EML1: variants seen among roughly 807,000 people sequenced by gnomAD.
The protein encoded by EML1 is echinoderm microtubule-associated protein-like 1.
Under a neutral mutation model 110.4 loss-of-function variants are expected in EML1, and 27 were observed. The observed-to-expected ratio is 0.24, with a 90% CI of 0.18 to 0.34. The LOEUF (loss-of-function observed/expected upper bound fraction) is 0.34. Among genes scored for constraint, EML1 ranks in the 10% least tolerant of loss-of-function variants. The probability of loss-of-function intolerance (pLI) is 1.00; values close to 1 mark genes in which losing one functional copy is unlikely to be tolerated. For missense variants in EML1, 741 were observed against 1,030.9 expected (o/e 0.72, Z 3.85); for synonymous variants, 344 against 385.8 (o/e 0.89, Z 1.27).
At position 99,936,023 on chromosome 14, in the gene EML1, T is replaced by C; in HGVS notation, c.1910-6T>C. ...ATCTGAAATGTAATTTGTCATCTTT[T>C]TATAGATGGGAATTTCTTAGCCATA... On this transcript the variant is annotated splice_polypyrimidine_tract_variant and splice_region_variant and intron_variant, in intron 17 of 21. Coordinates refer to ENST00000262233, the MANE Select transcript of EML1 (RefSeq NM_004434.3). This position sits in a 1 kb window ranked among gnomAD's most constrained non-coding sequence, Gnocchi z 5.5. The C allele has an allele frequency of 6.2e-7, 1 of 1,613,492 alleles. No individual in the cohort carries two copies. The highest frequency in any genetic ancestry group is 8.5e-7 in the Non-Finnish European group (1 of 1,179,494).
chr14:99,920,284 T>C (rs2060108113), intron 16 of EML1, among the ~76,000 whole-genome samples: 1 of 152,190 alleles, frequency 6.6e-6, no homozygotes, highest in Admixed American at 6.5e-5. Context: ...CCTCGCCCTG[T>C]TGGTTGCAGG....
chr14:99,918,285 C>T (rs1292800526), intron 16 of EML1, among the ~76,000 whole-genome samples: 2 of 152,234 alleles, frequency 1.3e-5, no homozygotes, highest in Non-Finnish European at 2.9e-5. Context: ...TTTGTAGAGA[C>T]GCAGGTCTCA....
intron 2 of EML1, among the ~76,000 whole-genome samples, chr14:99,856,927 T>G (rs1333065485): frequency 6.6e-6 from 1 of 152,232 alleles, no homozygotes; most frequent in Admixed American, 6.5e-5. Context: ...CGCTATATCA[T>G]TTTATCTGTA....
At chr14:99,740,037 T>G (rs2057024485) in intron 1 of EML1, among the ~76,000 whole-genome samples, 1 of 152,204 alleles carries the variant, frequency 6.6e-6, no homozygotes, top group Non-Finnish European at 1.5e-5. Context: ...TAACAGCATG[T>G]AACACACCTA....
rs200010479 is a variant in EML1 at position 99,878,053 on chromosome 14, A to AT, written c.384-422dup. On this transcript the variant is annotated intron_variant, in intron 3 of 21. Coordinates refer to ENST00000262233, the MANE Select transcript of EML1 (RefSeq NM_004434.3). ...TTCTTAATACTCTATTTTCTTTGCA[A>AT]TTTTTTTTTTGTTTAATTCGTCGGC... Among the ~76,000 whole-genome samples, 543 of 149,956 alleles carry AT rather than the reference A, an allele frequency of 3.6e-3. 4 individuals carry two copies. The highest frequency in any genetic ancestry group is 0.012 in the African/African-American group (503 of 40,878).
chr14:99,771,939 C>A (rs1030234082), upstream of EML1, among the ~76,000 whole-genome samples: 1 of 152,356 alleles, frequency 6.6e-6, no homozygotes, highest in East Asian at 1.9e-4. Flanking sequence ...GTTTTCATTA[C>A]TTCATTGAAT....
Position 99,900,926 on chromosome 14 carries a change from C to A in EML1, c.898-3C>A. 6.2e-7 allele frequency: 1 copy of A among 1,613,286 alleles called. No homozygotes were observed. Among genetic ancestry groups the A allele is most frequent in the Non-Finnish European group, 8.5e-7 (1 of 1,179,240 alleles). On this transcript the variant is annotated splice_region_variant and splice_polypyrimidine_tract_variant and intron_variant, in intron 8 of 21. Coordinates refer to ENST00000262233, the MANE Select transcript of EML1 (RefSeq NM_004434.3). ...GATGGCTCTGTGTTTCTTTTCTGAACAGCAATTGCCCCCACATGTGCGCAT... is the reference window on the plus strand; with the variant it reads ...GATGGCTCTGTGTTTCTTTTCTGAAAAGCAATTGCCCCCACATGTGCGCAT...
chr14:99,754,174 T>C (rs1031282659), intron 1 of EML1, among the ~76,000 whole-genome samples: 1 of 152,240 alleles, frequency 6.6e-6, no homozygotes, highest in African/African-American at 2.4e-5. Context: ...TTGCTGGCCT[T>C]TGTTGGACCC....
chr14:99,764,509 T>C (rs10873509), intron 1 of EML1, among the ~76,000 whole-genome samples: 95,441 of 152,188 alleles, frequency 0.63, 30,700 homozygotes, highest in South Asian at 0.8. Context: ...GCTCCCAGGT[T>C]TAGCGGATGC....
chr14:99,900,178 G>A (rs1379686730), intron 8 of EML1, among the ~76,000 whole-genome samples: 1 of 131,700 alleles, frequency 7.6e-6, no homozygotes, highest in African/African-American at 3.0e-5. Context: ...AGAATATTAA[G>A]CTCTTTTTTT....
chr14:99,839,304 G>T (rs1360805964), intron 1 of EML1, among the ~76,000 whole-genome samples: 1 of 152,066 alleles, frequency 6.6e-6, no homozygotes, highest in East Asian at 1.9e-4. Context: ...GTTGGGGCAG[G>T]GTGGGGGCTA....
At position 99,939,449 on chromosome 14, in the gene EML1, G is replaced by A. The variant is rs985862714; in HGVS notation, c.2322+122G>A. 18 of 1,475,996 alleles carry A rather than the reference G, an allele frequency of 1.2e-5. No homozygotes were observed. The Middle Eastern group carries it at 9.1e-4, about 75-fold the overall frequency. The allele number at this position is 1,475,996 out of a possible 1,614,324, so 91.4% of individuals were successfully genotyped here. A position where few individuals can be genotyped will look rare whatever the true frequency, so the allele number is the denominator to read the frequency against. On this transcript the variant is annotated intron_variant, in intron 21 of 21. Transcript: ENST00000262233. This position sits in a 1 kb window ranked among gnomAD's most constrained non-coding sequence, Gnocchi z 4.2. Reference sequence around the variant, plus strand: ...TGCTGCCAGCCACAAAGGCAGATGTGACTCTGTTCTTTGCGCCCTGAGCAC... The same window carrying A: ...TGCTGCCAGCCACAAAGGCAGATGTAACTCTGTTCTTTGCGCCCTGAGCAC...
chr14:99,833,009 A>G (rs2058485288), intron 1 of EML1, among the ~76,000 whole-genome samples: 1 of 152,194 alleles, frequency 6.6e-6, no homozygotes, highest in South Asian at 2.1e-4. Context: ...GGTAGTGAGC[A>G]TAGTACTCAA....
At position 99,935,931 on chromosome 14, in the gene EML1, A is replaced by AT. The variant is rs1380700060; in HGVS notation, c.1910-94dup. The AT allele has an allele frequency of 6.6e-5, 74 of 1,127,360 alleles. No individual in the cohort carries two copies. The African/African-American group carries it at 9.2e-4, about 14-fold the overall frequency. The allele number at this position is 1,127,360 out of a possible 1,614,324, so 69.8% of individuals were successfully genotyped here. A position where few individuals can be genotyped will look rare whatever the true frequency, so the allele number is the denominator to read the frequency against. On this transcript the variant is annotated intron_variant, in intron 17 of 21. Transcript: ENST00000262233. ...TTGGAAATAATTCATTAATCTGGTG[A>AT]TTTTGTCTAAATCTGTGGTGGCAGC...
chr14:99,752,651 G>A (rs540050077), intron 1 of EML1, among the ~76,000 whole-genome samples: 94 of 152,254 alleles, frequency 6.2e-4, no homozygotes, highest in African/African-American at 2.3e-3. Flanking sequence ...GGACTCAGCT[G>A]CCGCCACGGG....
intron 1 of EML1, among the ~76,000 whole-genome samples, chr14:99,783,395 T>C (rs571310166): frequency 2.0e-5 from 3 of 152,136 alleles, no homozygotes; most frequent in Admixed American, 2.0e-4. Context: ...CTATCATTGA[T>C]GGACATTTGG....
chr14:99,898,547 G>A (rs1171676142), intron 8 of EML1, among the ~76,000 whole-genome samples: 1 of 152,178 alleles, frequency 6.6e-6, no homozygotes, highest in Non-Finnish European at 1.5e-5. Context: ...GAGGTCAGAA[G>A]TTTGAGACCA....
chr14:99,867,401 T>C (rs1373125453), intron 3 of EML1, among the ~76,000 whole-genome samples: 1 of 152,248 alleles, frequency 6.6e-6, no homozygotes, highest in African/African-American at 2.4e-5. Context: ...TTGCATTAAA[T>C]CTGCATATCA....
At chr14:99,875,273 A>C (rs571969055) in intron 3 of EML1, among the ~76,000 whole-genome samples, 2 of 152,236 alleles carry the variant, frequency 1.3e-5, no homozygotes, top group Non-Finnish European at 2.9e-5. Context: ...CTGTAACCCC[A>C]AACAAGTTGC....
Sources: gnomAD v4.1 joint callset for allele counts (sites outside exome capture counted in the v4.1 genomes callset) on GRCh38, gnomAD v4.1.1 for gene constraint, Gnocchi (gnomAD v3.1) non-coding constraint, MANE v1.5 for transcripts, NCBI Gene and HGNC (gene_info 2026-07-23, HGNC 2026-07-21) for gene names.